APOL1: variants seen among roughly 807,000 people sequenced by gnomAD.
APOL1 encodes apolipoprotein L1.
Under a neutral mutation model 14.9 loss-of-function variants are expected in APOL1, and 17 were observed. That is an observed-to-expected ratio of 1.14 (90% CI 0.78 to 1.71). The LOEUF (loss-of-function observed/expected upper bound fraction) is 1.71. APOL1 is among the 40% of genes most tolerant of loss of function. The pLI, the probability that APOL1 is intolerant of heterozygous loss-of-function variation, is 0.00. For missense variants in APOL1, 523 were observed against 485.9 expected (o/e 1.08, Z -0.72); for synonymous variants, 195 against 184.8 (o/e 1.05, Z -0.45).
At chr22:36,253,935 C>T (rs540583840) in intron 1 of APOL1, 17 of 1,614,084 alleles carry the variant, frequency 1.1e-5, no homozygotes, top group South Asian at 2.2e-5. Flanking sequence ...CAGAATGGTG[C>T]CTGTGGCATG....
intron 4 of APOL1, among the ~76,000 whole-genome samples, 199 bp from the exon 5 acceptor site, chr22:36,261,397 A>C (rs887319304): frequency 5.9e-5 from 9 of 152,150 alleles, no homozygotes; most frequent in Non-Finnish European, 1.2e-4. Flanking sequence ...CCAGATCTCC[A>C]AATGTAGTCA....
chr22:36,255,768 CAG>C (rs2015854262), intron 2 of APOL1, among the ~76,000 whole-genome samples: 1 of 150,950 alleles, frequency 6.6e-6, no homozygotes, highest in South Asian at 2.1e-4. Context: ...AGGGAGTGCG[CAG>C]AGACACACGG....
In APOL1 at chr22:36,265,878, G is replaced by A; in HGVS notation, c.1042G>A (p.Asp348Asn). ...VAPVSFFLVL[D>N]VVYLVYESKH... Reference sequence around the variant, plus strand: ...CCCTGTAAGCTTCTTTCTTGTGCTGGATGTAGTCTACCTCGTGTACGAATC... The same window carrying A: ...CCCTGTAAGCTTCTTTCTTGTGCTGAATGTAGTCTACCTCGTGTACGAATC... The change falls in exon 6 of 6, where the codon GAT becomes AAT. Residue 348 changes from aspartate (D) to asparagine (N), a missense_variant. Transcript: ENST00000397278. 1.2e-6 allele frequency: 2 copies of A among 1,614,168 alleles called. No homozygotes were observed. Among genetic ancestry groups the A allele is most frequent in the Non-Finnish European group, 1.7e-6 (2 of 1,180,032 alleles).
intron 4 of APOL1, among the ~76,000 whole-genome samples, chr22:36,258,255 A>AC (rs1208780539): frequency 6.6e-6 from 1 of 152,014 alleles, no homozygotes; most frequent in Non-Finnish European, 1.5e-5. Context: ...CATCTAAAAT[A>AC]CCCCCGGTCA....
At chr22:36,255,070 T>G (rs1428814899) in intron 2 of APOL1, 71 bp downstream of exon 2, 9 of 1,546,492 alleles carry the variant, frequency 5.8e-6, no homozygotes, top group Non-Finnish European at 7.1e-6. Context: ...GGACTGGGCT[T>G]GGGCTGGGCC....
Position 36,265,978 on chromosome 22 carries a change from A to C in APOL1, c.1142A>C (p.Lys381Thr). 1 of 1,613,484 alleles carries C rather than the reference A, an allele frequency of 6.2e-7. No homozygotes were observed. The highest frequency in any genetic ancestry group is 8.5e-7 in the Non-Finnish European group (1 of 1,179,966). Residue 381 changes from lysine (K) to threonine (T), a missense_variant, in exon 6 of 6, where the codon AAG becomes ACG. Coordinates refer to ENST00000397278, the MANE Select transcript of APOL1 (RefSeq NM_003661.4). ...LKKVAQELEE[K>T]LNILNNNYKI... Reference sequence around the variant, plus strand: ...AAGGTGGCTCAGGAGCTGGAGGAGAAGCTAAACATTCTCAACAATAATTAT... The same window carrying C: ...AAGGTGGCTCAGGAGCTGGAGGAGACGCTAAACATTCTCAACAATAATTAT...
At chr22:36,265,004 G>C (rs1261117023) in intron 5 of APOL1, 147 bp from the exon 6 acceptor site, 24 of 1,050,912 alleles carry the variant, frequency 2.3e-5, no homozygotes, top group Non-Finnish European at 9.5e-6. Flanking sequence ...GTAGAGACAG[G>C]GTTTCACCGT....
At chr22:36,254,824 C>A in intron 1 of APOL1, 113 bp from the exon 2 acceptor site, 1 of 1,401,836 alleles carries the variant, frequency 7.1e-7, no homozygotes, top group Non-Finnish European at 1.0e-6. Context: ...GATCGCCCCA[C>A]TGCACTCCAG....
At chr22:36,259,633 C>T in intron 4 of APOL1, 1 of 1,266,394 alleles carries the variant, frequency 7.9e-7, no homozygotes, top group South Asian at 1.3e-5. Context: ...GAAAAACTCT[C>T]CCCCCAAAAC....
In APOL1 at chr22:36,264,734, C is replaced by T. The variant is rs375454551; in HGVS notation, c.315-417C>T. 4.1e-3 allele frequency among the ~76,000 whole-genome samples: 619 copies of T among 151,458 alleles called. 5 individuals are homozygous for T. The highest frequency in any genetic ancestry group is 0.015 in the African/African-American group (598 of 41,228). On this transcript the variant is annotated intron_variant, in intron 5 of 5. Transcript: ENST00000397278. ...TTTGTAAAATTTGTTTCTATTTGAT[C>T]GATAGTGAAAGCTCTGCAATTTACA...
chr22:36,254,545 T>C (rs2015794399), intron 1 of APOL1, among the ~76,000 whole-genome samples: 2 of 152,014 alleles, frequency 1.3e-5, no homozygotes, highest in African/African-American at 4.8e-5. Flanking sequence ...GCAGCCTGGG[T>C]GACAGAGCAA....
At chr22:36,256,529 G>A (rs773660612) in intron 2 of APOL1, among the ~76,000 whole-genome samples, 21 of 152,192 alleles carry the variant, frequency 1.4e-4, no homozygotes, top group Non-Finnish European at 2.4e-4. Flanking sequence ...GCAGGGGCTG[G>A]GCTGGCATCT....
intron 5 of APOL1, among the ~76,000 whole-genome samples, chr22:36,262,704 C>T (rs963605295): frequency 6.6e-6 from 1 of 152,174 alleles, no homozygotes; most frequent in Admixed American, 6.5e-5. Context: ...TATTTCTTCC[C>T]TGTCTGGATG....
At position 36,265,307 on chromosome 22, in the gene APOL1, G is replaced by A; in HGVS notation, c.471G>A (p.Arg157=). The A allele has an allele frequency of 6.2e-7, 1 of 1,613,124 alleles. No homozygotes were observed. The highest frequency in any genetic ancestry group is 1.1e-5 in the South Asian group (1 of 90,988). The change falls in exon 6 of 6, where the codon AGG becomes AGA. Residue 157 remains arginine, a synonymous_variant. Transcript: ENST00000397278. ...GTGAGCTTGAGGATAACATAAGAAG[G>A]CTCCGTGCCCTTGCAGATGGGGTTC... is the stretch of plus-strand genomic sequence containing the variant. ...LKSELEDNIR[R]LRALADGVQK...
intron 4 of APOL1, among the ~76,000 whole-genome samples, chr22:36,258,968 C>G (rs114394732): frequency 1.3e-5 from 2 of 152,146 alleles, no homozygotes; most frequent in Non-Finnish European, 2.9e-5. Flanking sequence ...GTGGGCCCAT[C>G]CCCTCCCCCT....
chr22:36,265,745 C>T lies in APOL1; in HGVS notation c.909C>T (p.Arg303=), dbSNP rs141788376. 2.0e-4 allele frequency: 321 copies of T among 1,614,086 alleles called. No homozygotes were observed. The African/African-American group carries it at 3.1e-3, about 16-fold the overall frequency. Reference sequence around the variant, plus strand: ...CAGTACCGCATGCCTCAGCCTCACGCCCCCGGGTCACTGAGCCAATCTCAG... The same window carrying T: ...CAGTACCGCATGCCTCAGCCTCACGTCCCCGGGTCACTGAGCCAATCTCAG... ...LQSVPHASAS[R]PRVTEPISAE... is the part of the protein sequence containing the mutation. Residue 303 remains arginine, a synonymous_variant, in exon 6 of 6, where the codon CGC becomes CGT. Coordinates refer to ENST00000397278, the MANE Select transcript of APOL1 (RefSeq NM_003661.4).
At chr22:36,254,022 A>G (rs1603481847) in intron 1 of APOL1, 1 of 1,612,640 alleles carries the variant, frequency 6.2e-7, no homozygotes, top group Non-Finnish European at 8.5e-7. Context: ...GAGAGCTTAG[A>G]TCTCTGTGTT....
chr22:36,261,570 C>A (rs749917220), intron 4 of APOL1, 26 bp from the exon 5 acceptor site: 3 of 1,607,650 alleles, frequency 1.9e-6, no homozygotes, highest in East Asian at 2.2e-5. Flanking sequence ...TTTCCTCCAA[C>A]CTTATCCTTT....
At chr22:36,260,224 C>A (rs958469351) in intron 4 of APOL1, among the ~76,000 whole-genome samples, 5 of 152,274 alleles carry the variant, frequency 3.3e-5, no homozygotes, top group African/African-American at 1.2e-4. Context: ...GAAACCCTGT[C>A]TCTACTAAAA....
Sources: gnomAD v4.1 joint callset for allele counts (sites outside exome capture counted in the v4.1 genomes callset) on GRCh38, gnomAD v4.1.1 for gene constraint, MANE v1.5 for transcripts, NCBI Gene and HGNC (gene_info 2026-07-23, HGNC 2026-07-21) for gene names.